The following ARHGEF3 variants were observed in gnomAD, a reference collection of about 807,000 sequenced individuals.
ARHGEF3 encodes 59.8 kDA protein.
Under a neutral mutation model 63.2 loss-of-function variants are expected in ARHGEF3, and 28 were observed. The ratio of observed to expected loss-of-function variants is 0.44; its 90% CI spans 0.33 to 0.61. ARHGEF3 has a LOEUF of 0.61. Ranked by LOEUF, ARHGEF3 falls within the 20% of genes least tolerant of loss-of-function variation. The pLI, the probability that ARHGEF3 is intolerant of heterozygous loss-of-function variation, is 0.03. For synonymous variants in ARHGEF3, 266 were observed against 254.2 expected, an observed-to-expected ratio of 1.05 and a Z score of -0.44; for missense variants, 533 against 659.3, an observed-to-expected ratio of 0.81 and a Z score of 2.10.
chr3:56,980,208 G>A (rs929295007), intron 2 of ARHGEF3, among the ~76,000 whole-genome samples: 1 of 152,196 alleles, frequency 6.6e-6, no homozygotes, highest in Non-Finnish European at 1.5e-5. Context: ...GCCACATTGT[G>A]AAAATATAGA....
chr3:56,822,050 AAAG>A (rs1443770505), intron 4 of ARHGEF3, among the ~76,000 whole-genome samples: 2 of 147,742 alleles, frequency 1.4e-5, no homozygotes, highest in African/African-American at 4.9e-5. Flanking sequence ...AAAGAAAAGA[AAAG>A]AATCTAAAAG....
chr3:56,944,139 C>T (rs1699339295), intron 3 of ARHGEF3, among the ~76,000 whole-genome samples: 1 of 152,148 alleles, frequency 6.6e-6, no homozygotes, highest in Non-Finnish European at 1.5e-5. Context: ...CTCCACTGCA[C>T]TCCAGCATGG....
chr3:57,071,729 G>A (rs915004486), intron 1 of ARHGEF3, among the ~76,000 whole-genome samples: 5 of 150,650 alleles, frequency 3.3e-5, no homozygotes, highest in South Asian at 2.1e-4. Context: ...GGTTTCTTAC[G>A]TATGACACCA....
intron 1 of ARHGEF3, 56 bp downstream of exon 1, chr3:56,801,647 G>A (rs2037655742): frequency 6.5e-7 from 1 of 1,537,944 alleles, no homozygotes; most frequent in Non-Finnish European, 8.8e-7. Flanking sequence ...GGGAGATGGA[G>A]GCAGACGAGA....
chr3:56,777,181 G>A (rs375245663), intron 1 of ARHGEF3, among the ~76,000 whole-genome samples: 4 of 152,148 alleles, frequency 2.6e-5, no homozygotes, highest in Non-Finnish European at 4.4e-5. Flanking sequence ...CCTTTAACAC[G>A]CAGAGAAAGT....
intron 8 of ARHGEF3, among the ~76,000 whole-genome samples, chr3:56,734,932 T>C (rs1158647205): frequency 1.3e-5 from 2 of 152,180 alleles, no homozygotes; most frequent in African/African-American, 2.4e-5. Context: ...TTTACACTGT[T>C]TCTACTTCAA....
chr3:57,070,048 G>C, intron 1 of ARHGEF3, among the ~76,000 whole-genome samples: 1 of 152,170 alleles, frequency 6.6e-6, no homozygotes, highest in East Asian at 1.9e-4. Context: ...GATTGTTTTA[G>C]CAGCAGAACT....
At chr3:57,066,337 C>A (rs1451740142) in intron 1 of ARHGEF3, among the ~76,000 whole-genome samples, 2 of 152,032 alleles carry the variant, frequency 1.3e-5, no homozygotes, top group Non-Finnish European at 2.9e-5. Context: ...TCTTGGCTCA[C>A]CGCAACCTCC....
chr3:56,957,943 A>G (rs1177380801), intron 3 of ARHGEF3, among the ~76,000 whole-genome samples: 1 of 152,166 alleles, frequency 6.6e-6, no homozygotes, highest in Non-Finnish European at 1.5e-5. Flanking sequence ...TATCATCACT[A>G]TTATGCTGAG....
chr3:57,062,042 A>T (rs1180821882), intron 1 of ARHGEF3, among the ~76,000 whole-genome samples: 5 of 152,062 alleles, frequency 3.3e-5, no homozygotes, highest in African/African-American at 1.2e-4. Context: ...AGGATCAAGT[A>T]AAAAAAGAGA....
chr3:56,874,578 C>T (rs1430262523), intron 4 of ARHGEF3, among the ~76,000 whole-genome samples: 4 of 152,084 alleles, frequency 2.6e-5, no homozygotes, highest in Non-Finnish European at 5.9e-5. Flanking sequence ...AGCTTTTTTC[C>T]CCCTCTTCTA....
chr3:56,900,831 C>A (rs1468769376), intron 3 of ARHGEF3, among the ~76,000 whole-genome samples: 1 of 152,138 alleles, frequency 6.6e-6, no homozygotes, highest in Non-Finnish European at 1.5e-5. Flanking sequence ...ACTATTATTA[C>A]CTGGGTTGTC....
At chr3:57,002,644 T>C (rs59475128) in intron 2 of ARHGEF3, among the ~76,000 whole-genome samples, 27,676 of 147,566 alleles carry the variant, frequency 0.19, 2,955 homozygotes, top group East Asian at 0.38. Context: ...GTTACATAGG[T>C]AAACGTGTGT....
intron 4 of ARHGEF3, among the ~76,000 whole-genome samples, chr3:56,752,721 A>G (rs1157295296): frequency 6.6e-6 from 1 of 152,236 alleles, no homozygotes; most frequent in African/African-American, 2.4e-5. Flanking sequence ...TCAGAGTGAA[A>G]TAACTTCTTT....
At chr3:56,911,199 TG>T (rs1299598161) in intron 3 of ARHGEF3, among the ~76,000 whole-genome samples, 5 of 151,988 alleles carry the variant, frequency 3.3e-5, no homozygotes, top group Non-Finnish European at 7.4e-5. Context: ...TGGCAGGGGC[TG>T]GGTGGGGTCT....
intron 9 of ARHGEF3, among the ~76,000 whole-genome samples, chr3:56,731,154 A>C (rs1294323516): frequency 2.0e-5 from 3 of 152,202 alleles, no homozygotes; most frequent in Non-Finnish European, 1.5e-5. Flanking sequence ...AAGGCAGTAC[A>C]TGTTAATTAC....
intron 2 of ARHGEF3, among the ~76,000 whole-genome samples, chr3:56,986,392 A>G (rs2106927441): frequency 6.6e-6 from 1 of 152,294 alleles, no homozygotes; most frequent in South Asian, 2.1e-4. Flanking sequence ...TTTAACACAT[A>G]CAAAGTCTGG....
intron 5 of ARHGEF3, 62 bp from the exon 6 acceptor site, chr3:56,751,194 A>C (rs2034720382): frequency 6.3e-7 from 1 of 1,578,262 alleles, no homozygotes; most frequent in Admixed American, 1.7e-5. Context: ...GGCTGGAAGT[A>C]GGTTCTGGGT....
chr3:56,776,327 T>C (rs1165462798), intron 1 of ARHGEF3, among the ~76,000 whole-genome samples: 1 of 152,238 alleles, frequency 6.6e-6, no homozygotes, highest in African/African-American at 2.4e-5. Context: ...TCCTAAGGCA[T>C]TGCCGATTTG....
Sources: gnomAD v4.1 joint callset for allele counts (sites outside exome capture counted in the v4.1 genomes callset) on GRCh38, gnomAD v4.1.1 for gene constraint, MANE v1.5 for transcripts, NCBI Gene and HGNC (gene_info 2026-07-23, HGNC 2026-07-21) for gene names.